Variants in ERLEC1 observed in about 807,000 individuals in gnomAD.
ERLEC1 encodes the protein ER lectin.
In ERLEC1, 47 loss-of-function variants were observed where a neutral mutation model predicts 68.0. The observed-to-expected ratio is 0.69, with a 90% CI of 0.55 to 0.88. The LOEUF (loss-of-function observed/expected upper bound fraction) is 0.88, where lower values mean the gene tolerates loss of function less well. Ranked by LOEUF, ERLEC1 falls within the 40% of genes least tolerant of loss-of-function variation. The pLI, the probability that ERLEC1 is intolerant of heterozygous loss-of-function variation, is 0.00. For synonymous variants in ERLEC1, 225 were observed against 203.2 expected, an observed-to-expected ratio of 1.11 and a Z score of -0.91; for missense variants, 567 against 583.8, an observed-to-expected ratio of 0.97 and a Z score of 0.30.
At chr2:53,802,139 A>C (rs566747301) in intron 8 of ERLEC1, among the ~76,000 whole-genome samples, 1 of 152,268 alleles carries the variant, frequency 6.6e-6, no homozygotes, top group Admixed American at 6.5e-5. Flanking sequence ...AAAATAGACT[A>C]AAACCCTATC....
At chr2:53,814,657 T>A (rs1344251862) in intron 12 of ERLEC1, 37 bp downstream of exon 12, 1 of 1,470,130 alleles carries the variant, frequency 6.8e-7, no homozygotes, top group African/African-American at 1.4e-5. Context: ...TATGCCTTTG[T>A]CTTTTAACTG....
intron 11 of ERLEC1, among the ~76,000 whole-genome samples, chr2:53,813,400 T>C (rs1285678904): frequency 2.6e-5 from 4 of 152,184 alleles, no homozygotes; most frequent in Non-Finnish European, 5.9e-5. Flanking sequence ...AGGTAATTTA[T>C]GTAAAGGAGA....
intron 1 of ERLEC1, among the ~76,000 whole-genome samples, chr2:53,789,165 G>A (rs573156856): frequency 6.6e-6 from 1 of 152,030 alleles, no homozygotes; most frequent in Non-Finnish European, 1.5e-5. Context: ...GGAGGCAGAG[G>A]CAGGCGGATT....
chr2:53,796,381 T>C (rs911135811), intron 3 of ERLEC1, among the ~76,000 whole-genome samples: 1 of 151,814 alleles, frequency 6.6e-6, no homozygotes, highest in Non-Finnish European at 1.5e-5. Context: ...AATGAGAACA[T>C]ACAGTATTTG....
At chr2:53,800,582 T>C (rs1190736258) in intron 6 of ERLEC1, among the ~76,000 whole-genome samples, 1 of 152,156 alleles carries the variant, frequency 6.6e-6, no homozygotes, top group East Asian at 1.9e-4. Context: ...GACATAGTGC[T>C]GATAGGGTAC....
Position 53,808,325 on chromosome 2 carries a change from G to C in ERLEC1, c.906G>C (p.Glu302Asp), listed in dbSNP as rs1357824099. 3 of 1,614,070 alleles carry C rather than the reference G, an allele frequency of 1.9e-6. No individual in the cohort carries two copies. Among genetic ancestry groups the C allele is most frequent in the South Asian group, 1.1e-5 (1 of 91,046 alleles). ...KEEDLQSTKE[E>D]RFPAIHKSIA... ...AAGATTTGCAATCAACTAAAGAAGAGAGATTTCCAGCGATCCACAAGTCGA... is the reference window on the plus strand; with the variant it reads ...AAGATTTGCAATCAACTAAAGAAGACAGATTTCCAGCGATCCACAAGTCGA... Residue 302 changes from glutamate (E) to aspartate (D), a missense_variant, in exon 9 of 14, where the codon GAG becomes GAC. Transcript: ENST00000185150.
chr2:53,817,819 A>G (rs1165498355), intron 13 of ERLEC1, 79 bp from the exon 14 acceptor site: 1 of 785,628 alleles, frequency 1.3e-6, no homozygotes, highest in Non-Finnish European at 2.3e-6. Context: ...AAATATAACT[A>G]CATGTATCCA....
intron 12 of ERLEC1, 72 bp from the exon 13 acceptor site, chr2:53,814,788 A>T: frequency 8.2e-7 from 1 of 1,220,396 alleles, no homozygotes; most frequent in Non-Finnish European, 1.2e-6. Context: ...TGGGATTTTT[A>T]AGAGTACAGT....
Position 53,804,684 on chromosome 2 carries a change from A to G in ERLEC1, c.879+2842A>G, listed in dbSNP as rs573309212. On this transcript the variant is annotated intron_variant, in intron 8 of 13. Coordinates refer to ENST00000185150, the MANE Select transcript of ERLEC1 (RefSeq NM_015701.5). ...TGTCCTTTGTGTTACAAACAATCCA[A>G]TGAGACTCTTTTAGTATTATTGACT... 3.8e-4 allele frequency among the ~76,000 whole-genome samples: 58 copies of G among 152,280 alleles called. No individual in the cohort carries two copies. The East Asian group carries it at 4.8e-3, about 13-fold the overall frequency.
chr2:53,812,920 C>T, intron 10 of ERLEC1, 29 bp from the exon 11 acceptor site: 1 of 1,598,460 alleles, frequency 6.3e-7, no homozygotes, highest in Middle Eastern at 1.7e-4. Context: ...ATCAAGCACG[C>T]ATTATCACAA....
At chr2:53,813,602 CA>C (rs1676705585) in intron 11 of ERLEC1, among the ~76,000 whole-genome samples, 1 of 152,178 alleles carries the variant, frequency 6.6e-6, no homozygotes, top group Non-Finnish European at 1.5e-5. Context: ...AAGTTAATCT[CA>C]TTTCCCAAGA....
intron 1 of ERLEC1, among the ~76,000 whole-genome samples, chr2:53,787,773 A>G (rs940491320): frequency 6.6e-6 from 1 of 152,156 alleles, no homozygotes; most frequent in Non-Finnish European, 1.5e-5. Flanking sequence ...CCCTGCCCAC[A>G]CCACAGTACT....
At chr2:53,791,554 A>G (rs531219752) in intron 1 of ERLEC1, among the ~76,000 whole-genome samples, 84 of 152,300 alleles carry the variant, frequency 5.5e-4, no homozygotes, top group Non-Finnish European at 1.0e-3. Context: ...AAAGTTTGCT[A>G]AAAATATATT....
At chr2:53,794,508 G>A in intron 2 of ERLEC1, 59 bp downstream of exon 2, 1 of 764,064 alleles carries the variant, frequency 1.3e-6, no homozygotes, top group South Asian at 1.7e-5. Flanking sequence ...GTAAAACATT[G>A]TAACTACATA....
At chr2:53,806,377 A>G (rs780876417) in intron 8 of ERLEC1, among the ~76,000 whole-genome samples, 1 of 152,194 alleles carries the variant, frequency 6.6e-6, no homozygotes, top group Non-Finnish European at 1.5e-5. Flanking sequence ...AGGTTTCACT[A>G]TGCAGCATTA....
intron 11 of ERLEC1, among the ~76,000 whole-genome samples, chr2:53,813,571 A>G (rs1320113054): frequency 1.3e-5 from 2 of 152,216 alleles, no homozygotes; most frequent in Non-Finnish European, 2.9e-5. Flanking sequence ...ATATATGAGT[A>G]TACCTTGTCA....
At chr2:53,810,214 A>G (rs1676515972) in intron 10 of ERLEC1, among the ~76,000 whole-genome samples, 2 of 152,330 alleles carry the variant, frequency 1.3e-5, no homozygotes, top group Non-Finnish European at 2.9e-5. Flanking sequence ...TCATGCCTGT[A>G]ATCCAAACAC....
At chr2:53,811,865 A>T (rs918068135) in intron 10 of ERLEC1, among the ~76,000 whole-genome samples, 10 of 152,114 alleles carry the variant, frequency 6.6e-5, no homozygotes, top group Non-Finnish European at 1.2e-4. Context: ...TTAGGCACTA[A>T]GCTCCACTGG....
chr2:53,818,057 T>G lies in ERLEC1; in HGVS notation c.*88T>G, dbSNP rs997871306. 1 of 840,724 alleles carries G rather than the reference T, an allele frequency of 1.2e-6. No homozygotes were observed. The highest frequency in any genetic ancestry group is 2.0e-6 in the Non-Finnish European group (1 of 492,892). 52.1% of individuals were successfully genotyped at this position (840,724 alleles called of 1,614,324 possible). ...TGTCTCATTATAGAGTTCTCAGCCA[T>G]TGGACCTCTTCTAAAGGATGGTATA... On this transcript the variant is annotated 3_prime_UTR_variant, in exon 14 of 14. Transcript: ENST00000185150.
Sources: allele counts gnomAD v4.1 joint callset (sites outside exome capture counted in the v4.1 genomes callset), GRCh38; gene constraint gnomAD v4.1.1; transcripts MANE v1.5; gene names NCBI Gene and HGNC (gene_info 2026-07-23, HGNC 2026-07-21).